Variants in SKOR1 observed in about 807,000 individuals in gnomAD.
SKOR1 encodes the protein SKI family transcriptional corepressor 1.
A neutral mutation model predicts 72.4 loss-of-function variants in SKOR1; 38 were observed. The ratio of observed to expected loss-of-function variants is 0.52; its 90% confidence interval spans 0.40 to 0.69. The LOEUF (loss-of-function observed/expected upper bound fraction) is 0.69. Ranked by LOEUF, SKOR1 falls within the 30% of genes least tolerant of loss-of-function variation. The pLI is 0.00. For missense variants in SKOR1, 1,320 were observed against 1,343.2 expected, an observed-to-expected ratio of 0.98 and a Z score of 0.27; for synonymous variants, 642 against 599.4, an observed-to-expected ratio of 1.07 and a Z score of -1.04.
Position 67,830,801 on chromosome 15 carries a change from C to CT in SKOR1, c.2516-16dup, listed in dbSNP as rs2091002534. Reference sequence around the variant, plus strand: ...TTTCCTAGGACAGAACCCCTCTTACCTGCCCCTGTATCCCAGGCGAAGATG... The same window carrying CT: ...TTTCCTAGGACAGAACCCCTCTTACCTTGCCCCTGTATCCCAGGCGAAGATG... On this transcript the variant is annotated splice_polypyrimidine_tract_variant and intron_variant, in intron 4 of 8. Coordinates refer to ENST00000380035, the MANE Select transcript of SKOR1 (RefSeq NM_001365915.1). 6.2e-7 allele frequency: 1 copy of CT among 1,614,038 alleles called. No homozygotes were observed. The highest frequency in any genetic ancestry group is 8.5e-7 in the Non-Finnish European group (1 of 1,179,892).
chr15:67,829,353 A>T (rs758407077), intron 3 of SKOR1, 84 bp downstream of exon 3: 57 of 1,178,448 alleles, frequency 4.8e-5, no homozygotes, highest in Non-Finnish European at 6.2e-5. Flanking sequence ...GCGAAGGAAG[A>T]CAAGGAGAGA....
chr15:67,832,356 C>T lies in SKOR1; in HGVS notation c.2662+8C>T. 6.2e-7 allele frequency: 1 copy of T among 1,613,892 alleles called. No individual in the cohort carries two copies. The highest frequency in any genetic ancestry group is 1.1e-5 in the South Asian group (1 of 91,064). The stretch of plus-strand genomic sequence containing the variant: ...AATTTCAGAGTCTCAAAGGTACCCA[C>T]TGCCATCCTGCCTCACCCCACCTCA... On this transcript the variant is annotated splice_region_variant and intron_variant, in intron 6 of 8. Coordinates refer to ENST00000380035, the MANE Select transcript of SKOR1 (RefSeq NM_001365915.1). The surrounding 1 kb of genome is among the most constrained non-coding windows in gnomAD (Gnocchi z 4.5).
intron 5 of SKOR1, among the ~76,000 whole-genome samples, chr15:67,831,191 C>T (rs954741284): frequency 3.3e-5 from 5 of 152,136 alleles, no homozygotes; most frequent in Non-Finnish European, 5.9e-5. Flanking sequence ...AAATGAGTAA[C>T]AATGATCAGA....
Position 67,827,889 on chromosome 15 carries a change from C to T in SKOR1, c.2061C>T (p.Gly687=), listed in dbSNP as rs1187325146. ...AGCCCAGCGCACCCAGCGCAGGGGG[C>T]GGCCCAGACGGTGAACAGCCCACTG... The part of the protein sequence containing the change: ...ETEPSAPSAG[G]GPDGEQPTGP... Residue 687 remains glycine, a synonymous_variant, in exon 2 of 9, where the codon GGC becomes GGT. Coordinates refer to ENST00000380035, the MANE Select transcript of SKOR1 (RefSeq NM_001365915.1). 1.3e-6 allele frequency: 2 copies of T among 1,599,308 alleles called. No homozygotes were observed. The highest frequency in any genetic ancestry group is 1.7e-6 in the Non-Finnish European group (2 of 1,173,958).
At position 67,825,914 on chromosome 15, in the gene SKOR1, C is replaced by G. The variant is rs2090954863; in HGVS notation, c.108-22C>G. 6.6e-7 allele frequency: 1 copy of G among 1,511,790 alleles called. No homozygotes were observed. The highest frequency in any genetic ancestry group is 8.8e-7 in the Non-Finnish European group (1 of 1,134,962). The allele number at this position is 1,511,790 out of a possible 1,614,324, so 93.6% of individuals were successfully genotyped here. The stretch of plus-strand genomic sequence containing the variant: ...CGGCGCTGAAAATGGCTCATCTGCT[C>G]TCTGCTTTCTCTATTTCGCAGGAGC... On this transcript the variant is annotated intron_variant, in intron 1 of 8. Coordinates refer to ENST00000380035, the MANE Select transcript of SKOR1 (RefSeq NM_001365915.1). This position sits in a 1 kb window ranked among gnomAD's most constrained non-coding sequence, Gnocchi z 5.6.
chr15:67,827,606 C>T lies in SKOR1; in HGVS notation c.1778C>T (p.Ser593Leu), dbSNP rs903452624. 1.3e-6 allele frequency: 2 copies of T among 1,528,902 alleles called. No homozygotes were observed. Among genetic ancestry groups the T allele is most frequent in the Non-Finnish European group, 1.7e-6 (2 of 1,144,400 alleles). The allele number at this position is 1,528,902 out of a possible 1,614,324, so 94.7% of individuals were successfully genotyped here. A position where few individuals can be genotyped will look rare whatever the true frequency, so the allele number is the denominator to read the frequency against. Residue 593 changes from serine to leucine, a missense_variant, in exon 2 of 9, where the codon TCG (serine) becomes TTG (leucine). By Grantham distance (145) the Ser-to-Leu change is moderately radical. This residue lies in a region of SKOR1 where 1,099 missense variants were observed against 1,025.5 expected (regional missense o/e 1.07). Transcript: ENST00000380035. ...PPPARKGSYV[S>L]AFRPVVKDTE... ...CCCGCACGCAAAGGCTCCTACGTGT[C>T]GGCCTTCCGGCCGGTGGTCAAGGAC...
rs1362908704 is a variant in SKOR1 at position 67,834,178 on chromosome 15, T to C, written c.*342T>C. ...TCCCATTGTATAGCCTTGAACCCGA[T>C]TGTGAATACAATGTAGCAACTTCGC... On this transcript the variant is annotated 3_prime_UTR_variant, in exon 9 of 9. Transcript: ENST00000380035. This position sits in a 1 kb window ranked among gnomAD's most constrained non-coding sequence, Gnocchi z 5.8. 8 of 378,320 alleles carry C rather than the reference T, an allele frequency of 2.1e-5. No homozygotes were observed. The East Asian group carries it at 2.8e-4, about 13-fold the overall frequency. 23.4% of individuals were successfully genotyped at this position (378,320 alleles called of 1,614,324 possible).
At chr15:67,829,651 C>G (rs1294458407) in intron 3 of SKOR1, among the ~76,000 whole-genome samples, 1 of 152,222 alleles carries the variant, frequency 6.6e-6, no homozygotes, top group African/African-American at 2.4e-5. Context: ...CATGGCCGCG[C>G]GCTTGGGTAC....
In SKOR1 at chr15:67,826,646, G is replaced by C; in HGVS notation, c.818G>C (p.Gly273Ala). 1.2e-6 allele frequency: 2 copies of C among 1,609,736 alleles called. No homozygotes were observed. The highest frequency in any genetic ancestry group is 1.7e-6 in the Non-Finnish European group (2 of 1,178,040). The change falls in exon 2 of 9, where the codon GGC becomes GCC. Residue 273 changes from glycine to alanine, a missense_variant. Gly to Ala is a moderately conservative substitution (Grantham distance 60, BLOSUM62 0). This residue lies in a region of SKOR1 where 1,099 missense variants were observed against 1,025.5 expected (regional missense o/e 1.07). Transcript: ENST00000380035. Reference protein sequence around the residue: ...AWEDVKAMFNGGTRKRTFSLQ... With the variant: ...AWEDVKAMFNAGTRKRTFSLQ... ...GAGGACGTCAAGGCCATGTTTAATGGCGGCACGCGCAAGCGGACCTTCTCC... is the reference window on the plus strand; with the variant it reads ...GAGGACGTCAAGGCCATGTTTAATGCCGGCACGCGCAAGCGGACCTTCTCC...
Position 67,832,914 on chromosome 15 carries a change from A to G in SKOR1, c.2737+233A>G. ...TGAACTTCTTATCGCGGCAATTTCC[A>G]TGGTTTCTAAATTAAAAATCGAGGC... On this transcript the variant is annotated intron_variant, in intron 7 of 8. Coordinates refer to ENST00000380035, the MANE Select transcript of SKOR1 (RefSeq NM_001365915.1). The surrounding 1 kb of genome is among the most constrained non-coding windows in gnomAD (Gnocchi z 4.5). The G allele has an allele frequency of 1.7e-6, 1 of 599,356 alleles. No homozygotes were observed. Among genetic ancestry groups the G allele is most frequent in the South Asian group, 2.1e-5 (1 of 48,640 alleles). The allele number at this position is 599,356 out of a possible 1,614,324, so 37.1% of individuals were successfully genotyped here.
At chr15:67,829,072 C>A (rs540851025) in intron 2 of SKOR1, 107 bp from the exon 3 acceptor site, 15 of 1,037,470 alleles carry the variant, frequency 1.4e-5, no homozygotes, top group Non-Finnish European at 1.9e-5. Context: ...GCGCACCAAC[C>A]TTTGCCACTC....
In SKOR1 at chr15:67,826,377, G is replaced by T. The variant is rs770475258; in HGVS notation, c.549G>T (p.Val183=). 1.9e-5 allele frequency: 30 copies of T among 1,613,708 alleles called. No individual in the cohort carries two copies. The highest frequency in any genetic ancestry group is 2.5e-5 in the Non-Finnish European group (30 of 1,179,952). Residue 183 remains valine, a synonymous_variant, in exon 2 of 9, where the codon GTG becomes GTT. Transcript: ENST00000380035. ...PKLPENFAFD[V]VHECAWGSRG... The stretch of plus-strand genomic sequence containing the variant: ...TGCCCGAGAACTTCGCCTTCGATGT[G>T]GTGCACGAGTGCGCGTGGGGCTCGC...
chr15:67,834,065 C>A lies in SKOR1; in HGVS notation c.*229C>A. On this transcript the variant is annotated 3_prime_UTR_variant, in exon 9 of 9. Coordinates refer to ENST00000380035, the MANE Select transcript of SKOR1 (RefSeq NM_001365915.1). This position sits in a 1 kb window ranked among gnomAD's most constrained non-coding sequence, Gnocchi z 5.8. Reference sequence around the variant, plus strand: ...CAAGTGTAAATACCGCCTCGCGCCTCAAATCCCCCTACCCCGTGTGAACTC... The same window carrying A: ...CAAGTGTAAATACCGCCTCGCGCCTAAAATCCCCCTACCCCGTGTGAACTC... The A allele has an allele frequency of 1.7e-6, 1 of 591,558 alleles. No homozygotes were observed. The highest frequency in any genetic ancestry group is 1.9e-5 in the South Asian group (1 of 53,216). 36.6% of individuals were successfully genotyped at this position (591,558 alleles called of 1,614,324 possible).
Position 67,833,200 on chromosome 15 carries a change from T to G in SKOR1, c.2746T>G (p.Cys916Gly). ...CTCCCCTTGTCTTCCAGATACCCTGTGTAACGAACTCGACCAGGAGCGGAA... is the reference window on the plus strand; with the variant it reads ...CTCCCCTTGTCTTCCAGATACCCTGGGTAACGAACTCGACCAGGAGCGGAA... Reference protein sequence around the residue: ...QQLQIVRDTLCNELDQERKAR... With the variant: ...QQLQIVRDTLGNELDQERKAR... The change falls in exon 8 of 9, where the codon TGT (cysteine) becomes GGT (glycine). Residue 916 changes from cysteine to glycine, a missense_variant. By Grantham distance (159) the Cys-to-Gly change is radical. This residue lies in a region of SKOR1 where 1,099 missense variants were observed against 1,025.5 expected (regional missense o/e 1.07). Transcript: ENST00000380035. This position sits in a 1 kb window ranked among gnomAD's most constrained non-coding sequence, Gnocchi z 6.0. 2 of 1,614,040 alleles carry G rather than the reference T, an allele frequency of 1.2e-6. No homozygotes were observed. Among genetic ancestry groups the G allele is most frequent in the Non-Finnish European group, 1.7e-6 (2 of 1,179,990 alleles).
chr15:67,830,912 G>A lies in SKOR1; in HGVS notation c.2587+23G>A, dbSNP rs576124754. 3.7e-6 allele frequency: 6 copies of A among 1,610,424 alleles called. No individual in the cohort carries two copies. The South Asian group carries it at 5.5e-5, about 15-fold the overall frequency. ...GAGGTGAGGATAAATTTGTGAAAAA[G>A]GTGTACGCTGTGCTTGAGAGTGATG... On this transcript the variant is annotated intron_variant, in intron 5 of 8. Transcript: ENST00000380035.
chr15:67,827,313 A>T lies in SKOR1; in HGVS notation c.1485A>T (p.Ala495=), dbSNP rs2090968881. ...CGTTTCCCATGTTCTGGCCAGCAGCAGGCAGCCTCCCGGTACCGTCCTACC... is the reference window on the plus strand; with the variant it reads ...CGTTTCCCATGTTCTGGCCAGCAGCTGGCAGCCTCCCGGTACCGTCCTACC... The part of the protein sequence containing the change: ...YPTFPMFWPA[A]GSLPVPSYPA... Residue 495 remains alanine, a synonymous_variant, in exon 2 of 9, where the codon GCA becomes GCT. Coordinates refer to ENST00000380035, the MANE Select transcript of SKOR1 (RefSeq NM_001365915.1). 2.5e-6 allele frequency: 4 copies of T among 1,590,404 alleles called. No homozygotes were observed. The highest frequency in any genetic ancestry group is 1.7e-5 in the Admixed American group (1 of 59,454).
Position 67,832,638 on chromosome 15 carries a change from G to A in SKOR1, c.2694G>A (p.Leu898=), listed in dbSNP as rs759575417. The A allele has an allele frequency of 1.2e-6, 2 of 1,614,044 alleles. No homozygotes were observed. Among genetic ancestry groups the A allele is most frequent in the Non-Finnish European group, 1.7e-6 (2 of 1,179,994 alleles). ...TTCAGGATCAAATGAAGAGGGAATT[G>A]GCTTATCGAGAAGAAATGGTGCAAC... ...DNFQDQMKRE[L]AYREEMVQQL... is the part of the protein sequence containing the mutation. The change falls in exon 7 of 9, where the codon TTG becomes TTA. Residue 898 remains leucine (L), a synonymous_variant. Transcript: ENST00000380035. This position sits in a 1 kb window ranked among gnomAD's most constrained non-coding sequence, Gnocchi z 4.5.
At chr15:67,830,024 G>T (rs895166963) in intron 3 of SKOR1, among the ~76,000 whole-genome samples, 167 bp from the exon 4 acceptor site, 5 of 152,234 alleles carry the variant, frequency 3.3e-5, no homozygotes, top group African/African-American at 1.2e-4. Flanking sequence ...GGGGGTGGGG[G>T]GTGCCCGGCC....
In SKOR1 at chr15:67,833,715, G is replaced by GA; in HGVS notation, c.2804-26dup. On this transcript the variant is annotated intron_variant, in intron 8 of 8. Transcript: ENST00000380035. This position sits in a 1 kb window ranked among gnomAD's most constrained non-coding sequence, Gnocchi z 6.0. ...TGAGGTGAGCCTGGAGAGGCGCCCA[G>GA]AGTGACCCTCGCGACTGTCTCCCCA... 1 of 1,610,706 alleles carries GA rather than the reference G, an allele frequency of 6.2e-7. No homozygotes were observed. Among genetic ancestry groups the GA allele is most frequent in the South Asian group, 1.1e-5 (1 of 91,030 alleles).
Sources: gnomAD v4.1 joint callset for allele counts (sites outside exome capture counted in the v4.1 genomes callset) on GRCh38, gnomAD v4.1.1 for gene constraint, gnomAD v4.1.1 regional missense constraint, Gnocchi (gnomAD v3.1) non-coding constraint, MANE v1.5 for transcripts, NCBI Gene and HGNC (gene_info 2026-07-23, HGNC 2026-07-21) for gene names.